Variants in MARCHF8 observed in about 807,000 individuals in gnomAD.
The protein encoded by MARCHF8 is E3 ubiquitin-protein ligase MARCHF8.
MARCHF8 carries 40 observed loss-of-function variants against 51.6 expected under a neutral mutation model. The ratio of observed to expected loss-of-function variants is 0.77; its 90% confidence interval spans 0.60 to 1.01. The LOEUF (loss-of-function observed/expected upper bound fraction) is 1.01. MARCHF8 is among the 50% of genes least tolerant of loss of function. MARCHF8 has a pLI of 0.00. For missense variants in MARCHF8, 685 were observed against 708.6 expected (o/e 0.97, Z 0.38); for synonymous variants, 263 against 280.3 (o/e 0.94, Z 0.62).
chr10:45,507,504 G>A (rs947847042), intron 2 of MARCHF8, among the ~76,000 whole-genome samples: 1 of 152,118 alleles, frequency 6.6e-6, no homozygotes, highest in Non-Finnish European at 1.5e-5. Flanking sequence ...GAGGAAGGAC[G>A]ACAGGTCAAG....
At chr10:45,517,085 G>A (rs1337172351) in intron 2 of MARCHF8, among the ~76,000 whole-genome samples, 1 of 152,198 alleles carries the variant, frequency 6.6e-6, no homozygotes, top group Non-Finnish European at 1.5e-5. Context: ...CAACAGTGGT[G>A]AGTAGCACAA....
At chr10:45,502,306 A>C (rs2043295859) in intron 2 of MARCHF8, among the ~76,000 whole-genome samples, 1 of 152,214 alleles carries the variant, frequency 6.6e-6, no homozygotes, top group African/African-American at 2.4e-5. Context: ...ACCTGGAAGA[A>C]ATCTCCAGAG....
At chr10:45,482,787 C>T (rs915507617) in intron 3 of MARCHF8, among the ~76,000 whole-genome samples, 1 of 152,030 alleles carries the variant, frequency 6.6e-6, no homozygotes. Flanking sequence ...ACAAAACAAA[C>T]CCAGATACAC....
At chr10:45,587,867 C>G (rs759270284) in intron 1 of MARCHF8, among the ~76,000 whole-genome samples, 1 of 152,052 alleles carries the variant, frequency 6.6e-6, no homozygotes, top group Non-Finnish European at 1.5e-5. Flanking sequence ...AAAGAATTAC[C>G]TTTTCAACAA....
Position 45,534,653 on chromosome 10 carries a change from C to G in MARCHF8, c.-79+558G>C, listed in dbSNP as rs541394263. ...GAAGCCTTCAACCAAAAGAATGAAT[C>G]TCGAATTTGGAGATTTTCATTTATT... On this transcript the variant is annotated intron_variant, in intron 1 of 7. Coordinates refer to ENST00000453424, the MANE Select transcript of MARCHF8 (RefSeq NM_001282866.2). Among the ~76,000 whole-genome samples, 48 of 152,196 alleles carry G rather than the reference C, an allele frequency of 3.2e-4. 2 individuals carry two copies. The South Asian group carries it at 8.5e-3, about 27-fold the overall frequency.
chr10:45,456,851 G>GA lies in MARCHF8; in HGVS notation c.*1387dup, dbSNP rs1842620122. 6.6e-6 allele frequency: 1 copy of GA among 152,288 alleles called. No individual in the cohort carries two copies. The highest frequency in any genetic ancestry group is 6.5e-5 in the Admixed American group (1 of 15,290). 9.4% of individuals were successfully genotyped at this position (152,288 alleles called of 1,614,324 possible). A position where few individuals can be genotyped will look rare whatever the true frequency, so the allele number is the denominator to read the frequency against. ...GGTAGTGATTTTGGTTTTGTTTTATGAAAATGGTACAGGTGGTAATCCCTG... is the reference window on the plus strand; with the variant it reads ...GGTAGTGATTTTGGTTTTGTTTTATGAAAAATGGTACAGGTGGTAATCCCTG... On this transcript the variant is annotated 3_prime_UTR_variant, in exon 8 of 8. Transcript: ENST00000453424.
chr10:45,488,740 G>A (rs955090863), intron 3 of MARCHF8, among the ~76,000 whole-genome samples: 9 of 152,222 alleles, frequency 5.9e-5, no homozygotes, highest in Middle Eastern at 3.4e-3. Context: ...TCTTCCACCC[G>A]CCTTCTCACT....
intron 2 of MARCHF8, among the ~76,000 whole-genome samples, chr10:45,529,453 A>C (rs1353794927): frequency 1.3e-5 from 2 of 152,208 alleles, no homozygotes; most frequent in Non-Finnish European, 2.9e-5. Context: ...GAAAGCTACA[A>C]AAATGAAAAT....
intron 2 of MARCHF8, among the ~76,000 whole-genome samples, chr10:45,499,688 A>T (rs985451449): frequency 6.6e-6 from 1 of 152,148 alleles, no homozygotes; most frequent in Non-Finnish European, 1.5e-5. Flanking sequence ...TGTTGAAAAG[A>T]CTGTCCTTTC....
intron 2 of MARCHF8, among the ~76,000 whole-genome samples, chr10:45,523,860 A>T (rs73287382): frequency 0.018 from 2,688 of 152,308 alleles, 76 homozygotes; most frequent in African/African-American, 0.061. Flanking sequence ...CTAGACCAAC[A>T]TCCACAGAGG....
chr10:45,462,204 G>C (rs571007193), intron 5 of MARCHF8: 2 of 152,386 alleles, frequency 1.3e-5, no homozygotes, highest in African/African-American at 4.8e-5. Context: ...CCAAATGTTA[G>C]AAATGATGAC....
intron 2 of MARCHF8, among the ~76,000 whole-genome samples, chr10:45,490,559 G>A (rs562468435): frequency 5.3e-5 from 8 of 151,966 alleles, no homozygotes; most frequent in South Asian, 4.2e-4. Flanking sequence ...GCCACCTTCC[G>A]TATGGCAATT....
chr10:45,494,885 C>T (rs1358465643), intron 2 of MARCHF8, among the ~76,000 whole-genome samples: 8 of 152,090 alleles, frequency 5.3e-5, no homozygotes, highest in Non-Finnish European at 8.8e-5. Flanking sequence ...CTTGGGAGGC[C>T]GAGGTGGGAG....
At chr10:45,560,756 C>G (rs570903518) in intron 1 of MARCHF8, among the ~76,000 whole-genome samples, 3 of 152,184 alleles carry the variant, frequency 2.0e-5, no homozygotes, top group African/African-American at 7.2e-5. Context: ...ATGAAGAGAA[C>G]AGCAGAAATG....
intron 1 of MARCHF8, among the ~76,000 whole-genome samples, chr10:45,580,010 A>AG (rs1345223305): frequency 6.7e-6 from 1 of 149,546 alleles, no homozygotes; most frequent in Admixed American, 6.7e-5. Flanking sequence ...CTCCAAAAAA[A>AG]AAAAAAAAAA....
chr10:45,466,457 C>T (rs1842971966), intron 3 of MARCHF8, among the ~76,000 whole-genome samples: 1 of 152,160 alleles, frequency 6.6e-6, no homozygotes, highest in African/African-American at 2.4e-5. Context: ...GGAAGAAATA[C>T]CCAGCAATAT....
At chr10:45,529,360 A>G (rs191131333) in intron 2 of MARCHF8, among the ~76,000 whole-genome samples, 24 of 152,342 alleles carry the variant, frequency 1.6e-4, no homozygotes, top group Admixed American at 1.4e-3. Context: ...ATCTGAAACT[A>G]TAAAGATTCT....
intron 1 of MARCHF8, among the ~76,000 whole-genome samples, chr10:45,585,314 GA>G (rs951430453): frequency 3.3e-5 from 5 of 151,624 alleles, no homozygotes; most frequent in Non-Finnish European, 7.4e-5. Flanking sequence ...GCTCATGATA[GA>G]AAAAAAATGG....
At chr10:45,505,863 G>C (rs529856046) in intron 2 of MARCHF8, among the ~76,000 whole-genome samples, 11 of 152,366 alleles carry the variant, frequency 7.2e-5, no homozygotes, top group Admixed American at 3.3e-4. Flanking sequence ...ACTGGGAAGA[G>C]AGCAACTCTT....
Sources: allele counts gnomAD v4.1 joint callset (sites outside exome capture counted in the v4.1 genomes callset), GRCh38; gene constraint gnomAD v4.1.1; transcripts MANE v1.5; gene names NCBI Gene and HGNC (gene_info 2026-07-23, HGNC 2026-07-21).